The following FBXL17 variants were observed in gnomAD, a reference collection of about 807,000 sequenced individuals.
The protein encoded by FBXL17 is F-box/LRR-repeat protein 17.
Under a neutral mutation model 66.2 loss-of-function variants are expected in FBXL17, and 22 were observed. The observed-to-expected ratio is 0.33, with a 90% CI of 0.24 to 0.47. FBXL17 has a LOEUF of 0.47. Ranked by LOEUF, FBXL17 falls within the 20% of genes least tolerant of loss-of-function variation. The pLI, the probability that FBXL17 is intolerant of heterozygous loss-of-function variation, is 1.00. For synonymous variants in FBXL17, 474 were observed against 400.5 expected (o/e 1.18, Z -2.19); for missense variants, 878 against 948.2 (o/e 0.93, Z 0.97).
In FBXL17 at chr5:108,311,004, T is replaced by C. The variant is rs138734140; in HGVS notation, c.1506+37395A>G. Among the ~76,000 whole-genome samples, 717 of 152,204 alleles carry C rather than the reference T, an allele frequency of 4.7e-3. 4 individuals carry two copies. Among genetic ancestry groups the C allele is most frequent in the African/African-American group, 0.016 (676 of 41,528 alleles). The stretch of plus-strand genomic sequence containing the variant: ...CAGCCACTGCCATTCTTGCTTCTAA[T>C]AGACAACAATTCATGACCAATTCAA... On this transcript the variant is annotated intron_variant, in intron 4 of 8. Coordinates refer to ENST00000542267, the MANE Select transcript of FBXL17 (RefSeq NM_001163315.3).
At chr5:108,183,071 G>A (rs1041135214) in intron 6 of FBXL17, among the ~76,000 whole-genome samples, 25 of 120,382 alleles carry the variant, frequency 2.1e-4, no homozygotes, top group South Asian at 2.5e-4. Context: ...ACAGAGTTTC[G>A]CTCTTGTCGC....
chr5:108,203,768 T>A (rs2150051928), intron 5 of FBXL17, among the ~76,000 whole-genome samples: 1 of 152,196 alleles, frequency 6.6e-6, no homozygotes, highest in East Asian at 1.9e-4. Context: ...TGTTTGAAAA[T>A]TTAAAAGGCA....
At chr5:108,025,142 T>C (rs553307373) in intron 6 of FBXL17, among the ~76,000 whole-genome samples, 4 of 152,264 alleles carry the variant, frequency 2.6e-5, no homozygotes, top group East Asian at 1.9e-4. Context: ...TCGCTTGCAA[T>C]AGGAGTGTCC....
chr5:108,080,967 A>C (rs530712216), intron 6 of FBXL17, among the ~76,000 whole-genome samples: 2 of 152,320 alleles, frequency 1.3e-5, no homozygotes, highest in Admixed American at 6.5e-5. Flanking sequence ...GGAAAGGGAA[A>C]GGGATTCTCT....
At chr5:108,365,177 G>T (rs1748584864) in intron 2 of FBXL17, among the ~76,000 whole-genome samples, 182 bp from the exon 3 acceptor site, 1 of 152,012 alleles carries the variant, frequency 6.6e-6, no homozygotes, top group Admixed American at 6.6e-5. Flanking sequence ...TAATAATATT[G>T]TAATTGGTCT....
chr5:108,021,959 A>G (rs1754621318), intron 6 of FBXL17, among the ~76,000 whole-genome samples: 1 of 151,890 alleles, frequency 6.6e-6, no homozygotes, highest in Admixed American at 6.6e-5. Flanking sequence ...AAAATTACTC[A>G]GTATCCATCT....
chr5:108,099,270 C>T (rs1224643797), intron 6 of FBXL17, among the ~76,000 whole-genome samples: 3 of 152,140 alleles, frequency 2.0e-5, no homozygotes, highest in Non-Finnish European at 4.4e-5. Flanking sequence ...ATACTGGGTA[C>T]ATAGAACATT....
chr5:108,133,051 C>G (rs80105235), intron 6 of FBXL17, among the ~76,000 whole-genome samples: 1,694 of 152,142 alleles, frequency 0.011, 15 homozygotes, highest in Non-Finnish European at 0.016. Flanking sequence ...TATTGGGAAA[C>G]AATAATCGTC....
chr5:108,134,031 C>T (rs561481907), intron 6 of FBXL17, among the ~76,000 whole-genome samples: 2 of 152,130 alleles, frequency 1.3e-5, no homozygotes, highest in South Asian at 4.1e-4. Context: ...ATTGGCTGTC[C>T]TTATTAGCTG....
chr5:108,314,606 G>T (rs1759272312), intron 4 of FBXL17, among the ~76,000 whole-genome samples: 1 of 151,138 alleles, frequency 6.6e-6, no homozygotes, highest in Admixed American at 6.6e-5. Context: ...GCGTTCAAAA[G>T]TTAGTCTGTA....
chr5:108,377,956 G>C (rs1749559250), intron 1 of FBXL17, among the ~76,000 whole-genome samples: 1 of 152,178 alleles, frequency 6.6e-6, no homozygotes, highest in Non-Finnish European at 1.5e-5. Context: ...ATATAAAAGT[G>C]ATATGGCTGT....
At chr5:108,033,225 T>C (rs1438098379) in intron 6 of FBXL17, among the ~76,000 whole-genome samples, 1 of 152,192 alleles carries the variant, frequency 6.6e-6, no homozygotes, top group African/African-American at 2.4e-5. Flanking sequence ...TTCATCCCTG[T>C]ATCCATCCAT....
chr5:107,920,699 T>C (rs1018151937), intron 7 of FBXL17, among the ~76,000 whole-genome samples: 3 of 152,206 alleles, frequency 2.0e-5, no homozygotes, highest in African/African-American at 7.2e-5. Flanking sequence ...GCACCTTTTA[T>C]AAATCTAGCA....
chr5:108,000,020 G>C (rs769969363), intron 7 of FBXL17, among the ~76,000 whole-genome samples: 1 of 152,168 alleles, frequency 6.6e-6, no homozygotes, highest in African/African-American at 2.4e-5. Flanking sequence ...TGGGAATAGA[G>C]GTTATGTGAA....
chr5:108,069,340 T>C (rs1236680166), intron 6 of FBXL17, among the ~76,000 whole-genome samples: 1 of 152,220 alleles, frequency 6.6e-6, no homozygotes, highest in Admixed American at 6.5e-5. Context: ...GCGAGGCTAC[T>C]CTAGAATACA....
At chr5:108,241,537 C>T (rs181335114) in intron 4 of FBXL17, among the ~76,000 whole-genome samples, 1 of 151,816 alleles carries the variant, frequency 6.6e-6, no homozygotes, top group African/African-American at 2.4e-5. Flanking sequence ...AGAGCTATTG[C>T]CTTTAAAAGG....
chr5:108,302,779 C>T (rs564190915), intron 4 of FBXL17, among the ~76,000 whole-genome samples: 10 of 151,796 alleles, frequency 6.6e-5, no homozygotes, highest in East Asian at 3.9e-4. Flanking sequence ...CATATAGATA[C>T]GCCTCATTTT....
intron 6 of FBXL17, among the ~76,000 whole-genome samples, chr5:108,173,432 G>A (rs1185965398): frequency 6.6e-6 from 1 of 151,956 alleles, no homozygotes; most frequent in Non-Finnish European, 1.5e-5. Flanking sequence ...ATAATCCCTA[G>A]AGAAAATTTT....
chr5:107,861,507 A>T lies in FBXL17; in HGVS notation c.*213T>A. On this transcript the variant is annotated 3_prime_UTR_variant, in exon 9 of 9. Transcript: ENST00000542267. ...AAACTAAAAAGTTTGTGGCTTTCATAATCTTTAATTTCTAAGAAAAAAAGC... is the reference window on the plus strand; with the variant it reads ...AAACTAAAAAGTTTGTGGCTTTCATTATCTTTAATTTCTAAGAAAAAAAGC... The T allele has an allele frequency of 2.6e-6, 1 of 384,254 alleles. No individual in the cohort carries two copies. Among genetic ancestry groups the T allele is most frequent in the Non-Finnish European group, 4.5e-6 (1 of 223,692 alleles). The allele number at this position is 384,254 out of a possible 1,614,324, so 23.8% of individuals were successfully genotyped here. A position where few individuals can be genotyped will look rare whatever the true frequency, so the allele number is the denominator to read the frequency against.
Sources: allele counts gnomAD v4.1 joint callset (sites outside exome capture counted in the v4.1 genomes callset), GRCh38; gene constraint gnomAD v4.1.1; transcripts MANE v1.5; gene names NCBI Gene and HGNC (gene_info 2026-07-23, HGNC 2026-07-21).